LRRC7: variants seen among roughly 807,000 people sequenced by gnomAD.
LRRC7 encodes leucine-rich repeat-containing protein 7.
A neutral mutation model predicts 175.7 loss-of-function variants in LRRC7; 23 were observed. The observed-to-expected ratio is 0.13, with a 90% CI of 0.09 to 0.19. LRRC7 has a LOEUF of 0.19. Ranked by LOEUF, LRRC7 falls within the 10% of genes least tolerant of loss-of-function variation. LRRC7 has a pLI of 1.00. For missense variants in LRRC7, 1,354 were observed against 1,904.7 expected (o/e 0.71, Z 5.38); for synonymous variants, 685 against 680.9 (o/e 1.01, Z -0.09).
At chr1:70,066,099 GT>G (rs753216211) in intron 23 of LRRC7, among the ~76,000 whole-genome samples, 6 of 151,904 alleles carry the variant, frequency 3.9e-5, no homozygotes, top group Non-Finnish European at 8.8e-5. Context: ...TTTTTTTCCA[GT>G]GGTTATTTAT....
intron 2 of LRRC7, among the ~76,000 whole-genome samples, chr1:69,732,105 A>G (rs1017569222): frequency 2.6e-5 from 4 of 152,102 alleles, no homozygotes; most frequent in Non-Finnish European, 5.9e-5. Context: ...ACTCTCGATT[A>G]AAAAAAGTAT....
chr1:69,965,909 C>T (rs1284318753), intron 8 of LRRC7, among the ~76,000 whole-genome samples: 1 of 151,996 alleles, frequency 6.6e-6, no homozygotes, highest in Non-Finnish European at 1.5e-5. Context: ...TAAAAGATTT[C>T]CCACTTGTGA....
At position 69,697,824 on chromosome 1, in the gene LRRC7, A is replaced by C. The variant is rs541496994; in HGVS notation, c.100+19346A>C. On this transcript the variant is annotated intron_variant, in intron 2 of 26. Coordinates refer to ENST00000651989, the MANE Select transcript of LRRC7 (RefSeq NM_001370785.2). ...TTAGTGATAAAACTGATATTGGAGG[A>C]GGTGGTTTAAGTGCATGGCTACAAG... Among the ~76,000 whole-genome samples, 10 of 152,238 alleles carry C rather than the reference A, an allele frequency of 6.6e-5. No homozygotes were observed. The East Asian group carries it at 1.9e-3, about 29-fold the overall frequency.
intron 7 of LRRC7, among the ~76,000 whole-genome samples, chr1:69,854,620 T>C (rs1683376247): frequency 6.6e-6 from 1 of 152,228 alleles, no homozygotes; most frequent in Non-Finnish European, 1.5e-5. Flanking sequence ...GATATCCAGA[T>C]ATCTTTACAC....
chr1:69,601,732 T>C (rs1005134727), intron 1 of LRRC7, among the ~76,000 whole-genome samples: 1 of 152,180 alleles, frequency 6.6e-6, no homozygotes, highest in Non-Finnish European at 1.5e-5. Context: ...ATAAAAATAT[T>C]GGGTTAGGCT....
intron 1 of LRRC7, among the ~76,000 whole-genome samples, chr1:69,630,037 A>G (rs1282248724): frequency 6.6e-6 from 1 of 152,024 alleles, no homozygotes; most frequent in African/African-American, 2.4e-5. Context: ...TTTTCCCTCC[A>G]GTGTCCTGCT....
At chr1:69,782,581 G>C (rs1300626246) in intron 3 of LRRC7, among the ~76,000 whole-genome samples, 1 of 152,154 alleles carries the variant, frequency 6.6e-6, no homozygotes, top group Non-Finnish European at 1.5e-5. Flanking sequence ...TGGTAATGCA[G>C]GACAGCAGAG....
chr1:69,910,451 C>T (rs1218404478), intron 7 of LRRC7, among the ~76,000 whole-genome samples: 1 of 152,160 alleles, frequency 6.6e-6, no homozygotes, highest in African/African-American at 2.4e-5. Context: ...GAGGTCCACT[C>T]CAGACCCTGT....
At chr1:70,113,960 A>T (rs17131214) in intron 26 of LRRC7, among the ~76,000 whole-genome samples, 16,498 of 152,144 alleles carry the variant, frequency 0.11, 1,192 homozygotes, top group African/African-American at 0.2. Flanking sequence ...TGGGCCATGT[A>T]TGTGCCTAAG....
chr1:69,753,298 G>GTA (rs888535446), intron 2 of LRRC7, among the ~76,000 whole-genome samples: 1 of 143,172 alleles, frequency 7.0e-6, no homozygotes, highest in Non-Finnish European at 1.5e-5. Flanking sequence ...GTGTGTGTAT[G>GTA]TGTGTGTGTG....
intron 7 of LRRC7, chr1:69,919,593 A>C: frequency 3.7e-6 from 3 of 812,330 alleles, no homozygotes; most frequent in East Asian, 2.5e-5. Context: ...ACCCGGACCA[A>C]GGAGGAGGCC....
At chr1:69,687,208 A>G (rs572899704) in intron 2 of LRRC7, among the ~76,000 whole-genome samples, 1 of 152,288 alleles carries the variant, frequency 6.6e-6, no homozygotes, top group Non-Finnish European at 1.5e-5. Flanking sequence ...TCTGCTTAAA[A>G]AAAGAAACTA....
chr1:69,917,271 T>G (rs1047277548), intron 7 of LRRC7, among the ~76,000 whole-genome samples: 1 of 152,166 alleles, frequency 6.6e-6, no homozygotes, highest in Non-Finnish European at 1.5e-5. Context: ...ATTTGCTCCG[T>G]GACCTACAGT....
intron 2 of LRRC7, among the ~76,000 whole-genome samples, chr1:69,688,858 G>A (rs759461195): frequency 2.6e-5 from 4 of 152,078 alleles, no homozygotes; most frequent in Non-Finnish European, 5.9e-5. Context: ...ATTTGGCTTA[G>A]CATAAGTAAT....
chr1:69,677,532 C>A (rs980823887), intron 1 of LRRC7, among the ~76,000 whole-genome samples: 2 of 151,914 alleles, frequency 1.3e-5, no homozygotes, highest in Non-Finnish European at 2.9e-5. Context: ...ACATTCCCAA[C>A]AGCAGTGTAT....
chr1:69,748,475 G>A (rs977319410), intron 2 of LRRC7, among the ~76,000 whole-genome samples: 22 of 152,066 alleles, frequency 1.4e-4, no homozygotes, highest in Non-Finnish European at 3.1e-4. Context: ...AGAAGCTGTG[G>A]AGTAAAATGC....
chr1:70,011,995 G>T, intron 12 of LRRC7, 69 bp downstream of exon 12: 1 of 1,111,766 alleles, frequency 9.0e-7, no homozygotes. Flanking sequence ...ATCTTAACAG[G>T]TAGAATAGCA....
At chr1:69,828,885 G>A (rs1938581) in intron 5 of LRRC7, among the ~76,000 whole-genome samples, 6,483 of 151,886 alleles carry the variant, frequency 0.043, 218 homozygotes, top group East Asian at 0.15. Flanking sequence ...TCAGATGCTT[G>A]TAATATGTTT....
At chr1:69,623,508 G>C (rs540960347) in intron 1 of LRRC7, among the ~76,000 whole-genome samples, 1 of 147,944 alleles carries the variant, frequency 6.8e-6, no homozygotes, top group African/African-American at 2.5e-5. Flanking sequence ...AGAACAAATA[G>C]TTGATTTTGC....
Sources: allele counts gnomAD v4.1 joint callset (sites outside exome capture counted in the v4.1 genomes callset), GRCh38; gene constraint gnomAD v4.1.1; transcripts MANE v1.5; gene names NCBI Gene and HGNC (gene_info 2026-07-23, HGNC 2026-07-21).